The following CD59 variants were observed in gnomAD, a reference collection of about 807,000 sequenced individuals.
The protein encoded by CD59 is CD59 glycoprotein.
In CD59, 3 loss-of-function variants were observed where a neutral mutation model predicts 7.0. The ratio of observed to expected loss-of-function variants is 0.43; its 90% CI spans 0.19 to 1.10. CD59 has a LOEUF of 1.10. Among genes scored for constraint, CD59 ranks in the 50% least tolerant of loss-of-function variants. The probability of loss-of-function intolerance (pLI) is 0.29; values close to 1 mark genes in which losing one functional copy is unlikely to be tolerated. For missense variants in CD59, 143 were observed against 151.0 expected, an observed-to-expected ratio of 0.95 and a Z score of 0.28; for synonymous variants, 60 against 62.0, an observed-to-expected ratio of 0.97 and a Z score of 0.15.
Position 33,707,661 on chromosome 11 carries a change from G to C in CD59, c.*2465C>G, listed in dbSNP as rs189461866. On this transcript the variant is annotated 3_prime_UTR_variant, in exon 4 of 4. Coordinates refer to ENST00000642928, the MANE Select transcript of CD59 (RefSeq NM_000611.6). ...CTGGTGTTCGATTCCTAACTCCCCT[G>C]CTCCCTGGTTTCATTTGGAACCAAC... The C allele has an allele frequency of 2.0e-5, 3 of 152,328 alleles. No homozygotes were observed. Among genetic ancestry groups the C allele is most frequent in the South Asian group, 4.1e-4 (2 of 4,826 alleles). 9.4% of individuals were successfully genotyped at this position (152,328 alleles called of 1,614,324 possible).
chr11:33,716,168 C>G (rs1322251380), intron 3 of CD59, among the ~76,000 whole-genome samples: 1 of 152,196 alleles, frequency 6.6e-6, no homozygotes, highest in Non-Finnish European at 1.5e-5. Flanking sequence ...GGAGTTTTAG[C>G]TGCAATCCAG....
At chr11:33,724,985 C>T (rs868575995) in intron 1 of CD59, among the ~76,000 whole-genome samples, 1 of 151,464 alleles carries the variant, frequency 6.6e-6, no homozygotes, top group Non-Finnish European at 1.5e-5. Context: ...GTATGGGGGG[C>T]GGAGGAGGGC....
chr11:33,717,860 T>A (rs1334433395), intron 2 of CD59: 1 of 285,080 alleles, frequency 3.5e-6, no homozygotes, highest in Admixed American at 4.9e-5. Flanking sequence ...CGTGGGTTGA[T>A]GATCAATGTC....
chr11:33,716,638 A>G (rs1254426572), intron 3 of CD59, among the ~76,000 whole-genome samples: 2 of 152,176 alleles, frequency 1.3e-5, no homozygotes, highest in African/African-American at 4.8e-5. Flanking sequence ...CCTAAACTCT[A>G]TTTTAACAGG....
rs538485935 is a variant in CD59 at position 33,703,595 on chromosome 11, C to T, written c.*6531G>A. ...GTCAGTTGAAAGATGTAGCTGTCGG[C>T]CTGGTAGCCAGGTGGGCTTGCTAAT... On this transcript the variant is annotated 3_prime_UTR_variant, in exon 4 of 4. Transcript: ENST00000642928. The T allele has an allele frequency of 1.3e-5, 2 of 152,358 alleles. No individual in the cohort carries two copies. The highest frequency in any genetic ancestry group is 4.1e-4 in the South Asian group (2 of 4,830). The allele number at this position is 152,358 out of a possible 1,614,324, so 9.4% of individuals were successfully genotyped here.
chr11:33,723,365 AC>A (rs1854152397), intron 1 of CD59, among the ~76,000 whole-genome samples: 1 of 152,164 alleles, frequency 6.6e-6, no homozygotes, highest in African/African-American at 2.4e-5. Context: ...GACAATCCTG[AC>A]AATCATTCCT....
intron 2 of CD59, among the ~76,000 whole-genome samples, chr11:33,722,175 C>T (rs562495726): frequency 3.9e-5 from 6 of 152,188 alleles, no homozygotes; most frequent in East Asian, 2.0e-4. Context: ...TAACTCAGGA[C>T]GGGCTGTAAC....
intron 1 of CD59, chr11:33,722,722 T>A: frequency 7.9e-7 from 1 of 1,263,342 alleles, no homozygotes; most frequent in Non-Finnish European, 1.0e-6. Context: ...GGTCAGTGAG[T>A]CAAATGACAA....
At chr11:33,719,398 G>C (rs1853948103) in intron 2 of CD59, 1 of 152,280 alleles carries the variant, frequency 6.6e-6, no homozygotes, top group Non-Finnish European at 1.5e-5. Flanking sequence ...GAGGTGGGTG[G>C]ATCACTTGTA....
chr11:33,725,014 C>G (rs1173797685), intron 1 of CD59, among the ~76,000 whole-genome samples: 2 of 152,078 alleles, frequency 1.3e-5, no homozygotes, highest in African/African-American at 4.8e-5. Flanking sequence ...GAAAAAGAAA[C>G]AGCTGATTGT....
At chr11:33,732,862 G>A (rs1590548248) in intron 1 of CD59, among the ~76,000 whole-genome samples, 1 of 152,318 alleles carries the variant, frequency 6.6e-6, no homozygotes, top group East Asian at 1.9e-4. Flanking sequence ...CATGGCAAGT[G>A]ACTTTGTAGA....
Position 33,709,770 on chromosome 11 carries a change from G to A in CD59, c.*356C>T. 2.5e-6 allele frequency: 1 copy of A among 399,092 alleles called. No individual in the cohort carries two copies. Among genetic ancestry groups the A allele is most frequent in the Non-Finnish European group, 4.7e-6 (1 of 212,312 alleles). 24.7% of individuals were successfully genotyped at this position (399,092 alleles called of 1,614,324 possible). ...CACCCTCCAAAGATGTACTAATGAT[G>A]CTAACTGACTACATCCAAGGAGCCA... On this transcript the variant is annotated 3_prime_UTR_variant, in exon 4 of 4. Transcript: ENST00000642928.
Position 33,710,196 on chromosome 11 carries a change from G to A in CD59, c.317C>T (p.Ser106Phe). The A allele has an allele frequency of 6.2e-7, 1 of 1,614,126 alleles. No individual in the cohort carries two copies. Among genetic ancestry groups the A allele is most frequent in the South Asian group, 1.1e-5 (1 of 91,080 alleles). ...CAGAAGAACTGTTTTCTCTGATAAG[G>A]ATGTCCCACCATTTTCAAGCTGTTC... ...FNEQLENGGT[S>F]LSEKTVLLLV... The change falls in exon 4 of 4, where the codon TCC (serine) becomes TTC (phenylalanine). Residue 106 changes from serine (S) to phenylalanine (F), a missense_variant. Ser to Phe is a radical substitution (Grantham distance 155). Transcript: ENST00000642928.
chr11:33,724,087 TGAC>T (rs1409826580), intron 1 of CD59, among the ~76,000 whole-genome samples: 1 of 152,082 alleles, frequency 6.6e-6, no homozygotes, highest in Non-Finnish European at 1.5e-5. Context: ...CCAGCCTGGG[TGAC>T]ACAGCAAGGT....
intron 1 of CD59, among the ~76,000 whole-genome samples, chr11:33,734,099 T>G (rs1854495638): frequency 6.6e-6 from 1 of 152,204 alleles, no homozygotes; most frequent in Non-Finnish European, 1.5e-5. Context: ...GAACTAGAGC[T>G]TTTGAACCCC....
Position 33,707,298 on chromosome 11 carries a change from T to C in CD59, c.*2828A>G, listed in dbSNP as rs191839082. On this transcript the variant is annotated 3_prime_UTR_variant, in exon 4 of 4. Coordinates refer to ENST00000642928, the MANE Select transcript of CD59 (RefSeq NM_000611.6). ...AGATGTATAAAAGTGGTTAATTCTG[T>C]CAAGAGGCCCAAAGTCTTGGGCAGG... is the stretch of plus-strand genomic sequence containing the variant. 2 of 152,334 alleles carry C rather than the reference T, an allele frequency of 1.3e-5. No homozygotes were observed. The highest frequency in any genetic ancestry group is 2.9e-5 in the Non-Finnish European group (2 of 68,032). The allele number at this position is 152,334 out of a possible 1,614,324, so 9.4% of individuals were successfully genotyped here.
rs2133509712 is a variant in CD59, at chr11:33,705,983, G to A, written c.*4143C>T. ...CCTACTGGGGTTGGCCACGTTGTAT[G>A]TAGCTGCGAATAGCAAGGAGGGGAA... On this transcript the variant is annotated 3_prime_UTR_variant, in exon 4 of 4. Transcript: ENST00000642928. 6.6e-6 allele frequency: 1 copy of A among 152,272 alleles called. No individual in the cohort carries two copies. The highest frequency in any genetic ancestry group is 1.9e-4 in the East Asian group (1 of 5,158). The allele number at this position is 152,272 out of a possible 1,614,324, so 9.4% of individuals were successfully genotyped here.
intron 1 of CD59, among the ~76,000 whole-genome samples, chr11:33,731,962 G>T (rs901048512): frequency 2.7e-5 from 4 of 150,022 alleles, no homozygotes; most frequent in Non-Finnish European, 5.9e-5. Flanking sequence ...ACTGGGGACG[G>T]TTTCCCCCAT....
Position 33,703,110 on chromosome 11 carries a change from C to T in CD59, c.*7016G>A, listed in dbSNP as rs1258003511. The T allele has an allele frequency of 6.6e-6, 1 of 151,934 alleles. No homozygotes were observed. Among genetic ancestry groups the T allele is most frequent in the African/African-American group, 2.4e-5 (1 of 41,332 alleles). The allele number at this position is 151,934 out of a possible 1,614,324, so 9.4% of individuals were successfully genotyped here. ...GAGGAGAAAAAATTACAGATTTTTTCCCCCTTACTCCAAGATAATCTAAAC... is the reference window on the plus strand; with the variant it reads ...GAGGAGAAAAAATTACAGATTTTTTTCCCCTTACTCCAAGATAATCTAAAC... On this transcript the variant is annotated 3_prime_UTR_variant, in exon 4 of 4. Transcript: ENST00000642928.
Sources: gnomAD v4.1 joint callset for allele counts (sites outside exome capture counted in the v4.1 genomes callset) on GRCh38, gnomAD v4.1.1 for gene constraint, MANE v1.5 for transcripts, NCBI Gene and HGNC (gene_info 2026-07-23, HGNC 2026-07-21) for gene names.